The following SND1 variants were observed in gnomAD, a reference collection of about 807,000 sequenced individuals.
SND1 encodes staphylococcal nuclease and tudor domain containing 1, also known as staphylococcal nuclease domain-containing protein 1.
A neutral mutation model predicts 121.7 loss-of-function variants in SND1; 38 were observed. The observed-to-expected ratio is 0.31, with a 90% CI of 0.24 to 0.41. The LOEUF is 0.41. Among genes scored for constraint, SND1 ranks in the 10% least tolerant of loss-of-function variants. The pLI is 1.00. For synonymous variants in SND1, 401 were observed against 447.4 expected, an observed-to-expected ratio of 0.90 and a Z score of 1.31; for missense variants, 868 against 1,184.6, an observed-to-expected ratio of 0.73 and a Z score of 3.92.
intron 15 of SND1, among the ~76,000 whole-genome samples, chr7:127,966,101 T>C (rs1801845367): frequency 6.8e-6 from 1 of 146,744 alleles, no homozygotes; most frequent in South Asian, 2.2e-4. Flanking sequence ...TCAGTGGTGA[T>C]ATCCCCTTTA....
At chr7:127,957,253 A>T (rs970952964) in intron 15 of SND1, among the ~76,000 whole-genome samples, 30 of 152,176 alleles carry the variant, frequency 2.0e-4, no homozygotes, top group Admixed American at 7.2e-4. Context: ...TGTTGGCATC[A>T]TTTGGAACTA....
chr7:127,843,241 C>T (rs1289910225), intron 11 of SND1, among the ~76,000 whole-genome samples: 3 of 152,122 alleles, frequency 2.0e-5, no homozygotes, highest in East Asian at 3.8e-4. Flanking sequence ...TACCTTAACA[C>T]ATCATTATCA....
chr7:127,951,681 G>A (rs1170576627), intron 15 of SND1, among the ~76,000 whole-genome samples: 3 of 152,104 alleles, frequency 2.0e-5, no homozygotes, highest in Admixed American at 2.0e-4. Context: ...GTCCAAAACG[G>A]GGGTTGGAAA....
chr7:127,844,947 A>G (rs566884094), intron 12 of SND1, among the ~76,000 whole-genome samples: 1 of 152,300 alleles, frequency 6.6e-6, no homozygotes, highest in East Asian at 1.9e-4. Context: ...GAGATATCTG[A>G]TAGGGGAAGG....
intron 9 of SND1, among the ~76,000 whole-genome samples, chr7:127,713,639 T>C (rs1261619750): frequency 6.6e-6 from 1 of 152,248 alleles, no homozygotes; most frequent in Non-Finnish European, 1.5e-5. Flanking sequence ...CTATGGCCTC[T>C]AACTGGATGC....
chr7:128,031,636 G>A (rs1212822263), intron 16 of SND1: 2 of 148,062 alleles, frequency 1.4e-5, no homozygotes, highest in Non-Finnish European at 3.0e-5. Flanking sequence ...CGTGGCGGCT[G>A]CGCTCGGACC....
At chr7:128,087,341 AGGTGAGG>A (rs1255104409) in intron 21 of SND1, among the ~76,000 whole-genome samples, 10 of 152,030 alleles carry the variant, frequency 6.6e-5, no homozygotes, top group African/African-American at 2.4e-4. Flanking sequence ...CAGTGGCAGG[AGGTGAGG>A]TGGGAAAGGG....
At chr7:127,830,284 G>C (rs1429958112) in intron 11 of SND1, among the ~76,000 whole-genome samples, 2 of 152,136 alleles carry the variant, frequency 1.3e-5, no homozygotes, top group African/African-American at 4.8e-5. Context: ...TCAGGGGGCT[G>C]AGACAGGAGA....
rs557227509 is a variant in SND1, at chr7:127,890,503, A to G, written c.1454+2491A>G. Among the ~76,000 whole-genome samples, 193 of 152,244 alleles carry G rather than the reference A, an allele frequency of 1.3e-3. 2 individuals are homozygous for G. Among genetic ancestry groups the G allele is most frequent in the African/African-American group, 4.4e-3 (182 of 41,574 alleles). ...CCAATCTGATGGTAACTTGAAGAAC[A>G]GGTTATGCATTTCCAGAGTAGCAGG... is the stretch of plus-strand genomic sequence containing the variant. On this transcript the variant is annotated intron_variant, in intron 13 of 23. Transcript: ENST00000354725.
chr7:127,848,134 G>A (rs1010970708), intron 12 of SND1, among the ~76,000 whole-genome samples: 1 of 152,270 alleles, frequency 6.6e-6, no homozygotes, highest in Non-Finnish European at 1.5e-5. Flanking sequence ...TGTTGCACAT[G>A]CCCTGTCTCC....
chr7:127,937,076 G>T (rs767207058), intron 15 of SND1, among the ~76,000 whole-genome samples: 2 of 152,166 alleles, frequency 1.3e-5, no homozygotes, highest in Non-Finnish European at 2.9e-5. Context: ...AATAATTTGA[G>T]ATTTCAGTGC....
intron 15 of SND1, 26 bp downstream of exon 15, chr7:127,929,355 T>C (rs1230272472): frequency 6.2e-7 from 1 of 1,613,140 alleles, no homozygotes. Flanking sequence ...TACATGTTAC[T>C]CTGAGCTCAG....
Position 127,701,235 on chromosome 7 carries a change from G to A in SND1, c.501G>A (p.Gly167=). 6.2e-7 allele frequency: 1 copy of A among 1,614,052 alleles called. No individual in the cohort carries two copies. The highest frequency in any genetic ancestry group is 8.5e-7 in the Non-Finnish European group (1 of 1,179,968). The change falls in exon 5 of 24, where the codon GGG becomes GGA. Residue 167 remains glycine, a synonymous_variant. Transcript: ENST00000354725. The part of the protein sequence containing the change: ...KAAKKGMWSE[G]NGSHTIRDLK... ...CCAAGAAAGGGATGTGGAGTGAGGG[G>A]AACGGTTCACATACTATCCGGGATC...
intron 10 of SND1, among the ~76,000 whole-genome samples, chr7:127,726,190 G>A (rs889817626): frequency 6.6e-6 from 1 of 152,250 alleles, no homozygotes. Flanking sequence ...AATATTACCC[G>A]GAAATTCATG....
At chr7:127,777,908 A>G (rs1797650110) in intron 10 of SND1, among the ~76,000 whole-genome samples, 1 of 152,186 alleles carries the variant, frequency 6.6e-6, no homozygotes, top group Admixed American at 6.5e-5. Context: ...AAATATTCAT[A>G]TAGTTCATGA....
chr7:127,787,530 G>A (rs1407416641), intron 10 of SND1, among the ~76,000 whole-genome samples: 1 of 152,176 alleles, frequency 6.6e-6, no homozygotes, highest in African/African-American at 2.4e-5. Flanking sequence ...ATGGGAAGTT[G>A]GTTTTTCATT....
At chr7:127,699,098 A>G in intron 4 of SND1, 145 bp downstream of exon 4, 1 of 656,868 alleles carries the variant, frequency 1.5e-6, no homozygotes, top group Admixed American at 2.4e-5. Context: ...ATTCTGAGCT[A>G]GGAAGTCACT....
intron 16 of SND1, chr7:128,028,982 C>T (rs1376130638): frequency 6.2e-7 from 1 of 1,610,636 alleles, no homozygotes; most frequent in Non-Finnish European, 8.5e-7. Context: ...GCTGCTGGTG[C>T]CGCTTACGAA....
At chr7:127,742,742 T>TTAGGCATGAGGAGGGGCACAAAGG (rs1796908246) in intron 10 of SND1, among the ~76,000 whole-genome samples, 1 of 152,150 alleles carries the variant, frequency 6.6e-6, no homozygotes, top group Admixed American at 6.5e-5. Flanking sequence ...GAGTGTTGTG[T>TTAGGCATGAGGAGGGGCACAAAGG]TAGGCATGAG....
Sources: gnomAD v4.1 joint callset for allele counts (sites outside exome capture counted in the v4.1 genomes callset) on GRCh38, gnomAD v4.1.1 for gene constraint, MANE v1.5 for transcripts, NCBI Gene and HGNC (gene_info 2026-07-23, HGNC 2026-07-21) for gene names.